The following CACNB4 variants were observed in gnomAD, a reference collection of about 807,000 sequenced individuals.
The protein encoded by CACNB4 is voltage-dependent L-type calcium channel subunit beta-4.
CACNB4 carries 32 observed loss-of-function variants against 71.2 expected under a neutral mutation model. That is an observed-to-expected ratio of 0.45 (90% CI 0.34 to 0.60). The LOEUF (loss-of-function observed/expected upper bound fraction) is 0.60. Among genes scored for constraint, CACNB4 ranks in the 20% least tolerant of loss-of-function variants. The pLI is 0.01. For missense variants in CACNB4, 464 were observed against 647.9 expected (o/e 0.72, Z 3.08); for synonymous variants, 231 against 236.9 (o/e 0.97, Z 0.23).
chr2:152,065,912 G>C (rs1686292893), intron 2 of CACNB4, among the ~76,000 whole-genome samples: 1 of 151,992 alleles, frequency 6.6e-6, no homozygotes, highest in Non-Finnish European at 1.5e-5. Context: ...TGGCCTAAGG[G>C]GGTATAATAT....
intron 2 of CACNB4, among the ~76,000 whole-genome samples, chr2:152,026,380 T>A (rs563289574): frequency 1.8e-3 from 100 of 55,090 alleles, no homozygotes; most frequent in African/African-American, 3.2e-3. Flanking sequence ...CTCTAGTCCC[T>A]TTTTTTTTTT....
chr2:151,951,525 C>A (rs1027362642), intron 2 of CACNB4, among the ~76,000 whole-genome samples: 2 of 152,084 alleles, frequency 1.3e-5, no homozygotes, highest in Non-Finnish European at 2.9e-5. Flanking sequence ...TCGGTGTGCT[C>A]CTTTGAGTGA....
intron 2 of CACNB4, among the ~76,000 whole-genome samples, chr2:151,956,361 T>C (rs1213766410): frequency 6.6e-6 from 1 of 152,220 alleles, no homozygotes; most frequent in Non-Finnish European, 1.5e-5. Context: ...TATTTGGCAA[T>C]ACAAAGAAAT....
At chr2:152,089,252 C>A (rs1037148355) in intron 2 of CACNB4, among the ~76,000 whole-genome samples, 11 of 152,318 alleles carry the variant, frequency 7.2e-5, no homozygotes, top group African/African-American at 2.6e-4. Context: ...ACTGCTTCAA[C>A]CAGAGTGTGT....
At chr2:151,874,885 T>A (rs1366442882) in intron 5 of CACNB4, 1 of 398,028 alleles carries the variant, frequency 2.5e-6, no homozygotes, top group Admixed American at 4.4e-5. Flanking sequence ...GAGATCTACA[T>A]GCCTACTTCA....
At chr2:151,877,708 C>A (rs367947305) in intron 4 of CACNB4, among the ~76,000 whole-genome samples, 1 of 152,072 alleles carries the variant, frequency 6.6e-6, no homozygotes, top group East Asian at 1.9e-4. Context: ...AAAGTCTGAG[C>A]GTATTATATA....
chr2:152,003,288 CA>C (rs1245046340), intron 2 of CACNB4, among the ~76,000 whole-genome samples: 2 of 151,140 alleles, frequency 1.3e-5, no homozygotes, highest in African/African-American at 4.9e-5. Context: ...ATTAAAAATA[CA>C]AAAAAAATTA....
intron 4 of CACNB4, among the ~76,000 whole-genome samples, chr2:151,877,823 A>G (rs2099846835): frequency 6.6e-6 from 1 of 152,216 alleles, no homozygotes; most frequent in African/African-American, 2.4e-5. Flanking sequence ...ACTCAAGTCT[A>G]TGAGAAGGCT....
intron 2 of CACNB4, among the ~76,000 whole-genome samples, chr2:152,035,620 C>CT (rs1684527674): frequency 2.1e-5 from 1 of 48,426 alleles, no homozygotes; most frequent in Non-Finnish European, 4.3e-5. Context: ...TCTCTCTCTC[C>CT]CTCCCTCTCC....
At chr2:151,893,974 C>A (rs1172805936) in intron 2 of CACNB4, among the ~76,000 whole-genome samples, 1 of 152,102 alleles carries the variant, frequency 6.6e-6, no homozygotes, top group Non-Finnish European at 1.5e-5. Flanking sequence ...CAGGCCAATG[C>A]CAATATCACT....
chr2:152,012,513 A>G (rs1683115756), intron 2 of CACNB4, among the ~76,000 whole-genome samples: 1 of 151,722 alleles, frequency 6.6e-6, no homozygotes, highest in African/African-American at 2.4e-5. Flanking sequence ...CTGAGGCTGG[A>G]GAATTGCTTG....
chr2:151,878,584 T>TCACACACAC (rs1381700918), intron 4 of CACNB4, among the ~76,000 whole-genome samples: 6 of 28,726 alleles, frequency 2.1e-4, no homozygotes, highest in Non-Finnish European at 3.7e-4. Context: ...CACACACAGT[T>TCACACACAC]AGCTGGGTAT....
At chr2:151,998,315 C>CAAAAAAAAAAAAAAAAA (rs70974815) in intron 2 of CACNB4, among the ~76,000 whole-genome samples, 1 of 110,718 alleles carries the variant, frequency 9.0e-6, no homozygotes, top group African/African-American at 4.0e-5. Flanking sequence ...ACTCCATCTC[C>CAAAAAAAAAAAAAAAAA]AAAAAAAAAA....
rs892631185 is a variant in CACNB4, at chr2:151,833,599, C to T, written c.*5520G>A. ...AATAAAACAAAAGAAATTACATCCA[C>T]AGATTGCAAGGCTATGAAATAAATT... On this transcript the variant is annotated 3_prime_UTR_variant, in exon 14 of 14. Coordinates refer to ENST00000539935, the MANE Select transcript of CACNB4 (RefSeq NM_000726.5). The T allele has an allele frequency of 6.6e-6, 1 of 151,996 alleles. No homozygotes were observed. Among genetic ancestry groups the T allele is most frequent in the African/African-American group, 2.4e-5 (1 of 41,420 alleles). 9.4% of individuals were successfully genotyped at this position (151,996 alleles called of 1,614,324 possible).
chr2:151,960,859 A>G (rs1480463980), intron 2 of CACNB4, among the ~76,000 whole-genome samples: 1 of 152,236 alleles, frequency 6.6e-6, no homozygotes, highest in East Asian at 1.9e-4. Flanking sequence ...GACACTCCCA[A>G]AATTTCTAAT....
At chr2:151,889,465 C>CAAAA (rs55990443) in intron 2 of CACNB4, among the ~76,000 whole-genome samples, 3 of 94,718 alleles carry the variant, frequency 3.2e-5, no homozygotes, top group East Asian at 5.4e-4. Context: ...GACTCTGTCT[C>CAAAA]AAAAAAAAAA....
intron 2 of CACNB4, among the ~76,000 whole-genome samples, chr2:152,059,082 G>A (rs963884881): frequency 6.6e-6 from 1 of 152,258 alleles, no homozygotes; most frequent in Non-Finnish European, 1.5e-5. Flanking sequence ...GAGGATGTGT[G>A]GAAATGCCTG....
chr2:151,869,050 A>G (rs751369590), intron 9 of CACNB4, 127 bp downstream of exon 9: 1 of 631,302 alleles, frequency 1.6e-6, no homozygotes, highest in Non-Finnish European at 2.8e-6. Context: ...TATTCTTCCC[A>G]AGAATACTGA....
intron 5 of CACNB4, among the ~76,000 whole-genome samples, chr2:151,875,366 A>G (rs2151424585): frequency 1.3e-5 from 2 of 150,162 alleles, no homozygotes; most frequent in Non-Finnish European, 1.5e-5. Context: ...AGTACAGAAC[A>G]AAATGAAAAG....
Sources: gnomAD v4.1 joint callset for allele counts (sites outside exome capture counted in the v4.1 genomes callset) on GRCh38, gnomAD v4.1.1 for gene constraint, MANE v1.5 for transcripts, NCBI Gene and HGNC (gene_info 2026-07-23, HGNC 2026-07-21) for gene names.